The following EFEMP1 variants were observed in gnomAD, a reference collection of about 807,000 sequenced individuals.
EFEMP1 encodes EGF-containing fibulin-like extracellular matrix protein 1.
EFEMP1 carries 18 observed loss-of-function variants against 65.7 expected under a neutral mutation model. The observed-to-expected ratio is 0.27, with a 90% CI of 0.19 to 0.41. EFEMP1 has a LOEUF of 0.41. EFEMP1 is among the 10% of genes least tolerant of loss of function. EFEMP1 has a pLI of 1.00. For missense variants in EFEMP1, 469 were observed against 624.8 expected (o/e 0.75, Z 2.66); for synonymous variants, 237 against 219.7 (o/e 1.08, Z -0.70).
At chr2:55,918,164 C>G (rs377415219) in intron 4 of EFEMP1, 55 bp downstream of exon 4, 1 of 1,613,014 alleles carries the variant, frequency 6.2e-7, no homozygotes, top group Non-Finnish European at 8.5e-7. Flanking sequence ...AAGAGTGACA[C>G]AAGAGATGGA....
At chr2:55,914,032 A>G (rs139551075) in intron 5 of EFEMP1, among the ~76,000 whole-genome samples, 1 of 152,294 alleles carries the variant, frequency 6.6e-6, no homozygotes, top group East Asian at 1.9e-4. Context: ...GAAAGAGACT[A>G]TGCAATAAAG....
At chr2:55,893,830 T>A (rs1252373186) in intron 5 of EFEMP1, among the ~76,000 whole-genome samples, 1 of 152,212 alleles carries the variant, frequency 6.6e-6, no homozygotes, top group African/African-American at 2.4e-5. Flanking sequence ...TGTTGCTTAG[T>A]GTCATGTTTT....
chr2:55,891,224 G>A (rs1378673643), intron 5 of EFEMP1, among the ~76,000 whole-genome samples: 1 of 152,086 alleles, frequency 6.6e-6, no homozygotes, highest in African/African-American at 2.4e-5. Flanking sequence ...TTGTTTTGAT[G>A]TATTAGGAGA....
Position 55,916,347 on chromosome 2 carries a change from T to C in EFEMP1, c.517+1318A>G, listed in dbSNP as rs141296043. Among the ~76,000 whole-genome samples the C allele has an allele frequency of 4.4e-3, 663 of 152,300 alleles. 4 individuals carry two copies. The highest frequency in any genetic ancestry group is 0.015 in the African/African-American group (612 of 41,582). On this transcript the variant is annotated intron_variant, in intron 5 of 11. Transcript: ENST00000355426. ...CTGGTCTTGAACTCCCGACCTCAGG[T>C]GATCCACCCGCCTCATCTTCCCAAA...
intron 5 of EFEMP1, among the ~76,000 whole-genome samples, chr2:55,895,562 G>A (rs898983184): frequency 4.7e-5 from 3 of 64,062 alleles, no homozygotes; most frequent in Admixed American, 1.6e-4. Flanking sequence ...TTTTTTTTTT[G>A]AGACGGAGTC....
intron 5 of EFEMP1, among the ~76,000 whole-genome samples, chr2:55,910,396 G>A (rs1449329640): frequency 6.6e-6 from 1 of 152,196 alleles, no homozygotes; most frequent in African/African-American, 2.4e-5. Context: ...CAGATGCGGT[G>A]TGAATTACTT....
intron 3 of EFEMP1, among the ~76,000 whole-genome samples, chr2:55,918,700 T>A (rs1347034066): frequency 8.0e-6 from 1 of 124,750 alleles, no homozygotes. Flanking sequence ...TCTCTCTCTC[T>A]CTAAATCCTC....
intron 6 of EFEMP1, among the ~76,000 whole-genome samples, chr2:55,879,427 T>G (rs995614017): frequency 2.0e-5 from 3 of 152,222 alleles, no homozygotes; most frequent in African/African-American, 7.2e-5. Context: ...ATTTGTAAAA[T>G]TTGTTTACTA....
intron 5 of EFEMP1, among the ~76,000 whole-genome samples, chr2:55,899,593 T>G (rs1427181288): frequency 1.3e-5 from 2 of 152,202 alleles, no homozygotes; most frequent in African/African-American, 4.8e-5. Flanking sequence ...TTAATGCGTA[T>G]GGGGCAAAAA....
At chr2:55,903,339 A>G (rs1670116451) in intron 5 of EFEMP1, among the ~76,000 whole-genome samples, 1 of 152,238 alleles carries the variant, frequency 6.6e-6, no homozygotes, top group Non-Finnish European at 1.5e-5. Flanking sequence ...AAAAGTAACC[A>G]CATGCAAATT....
At chr2:55,913,252 G>A (rs1346003406) in intron 5 of EFEMP1, among the ~76,000 whole-genome samples, 1 of 152,180 alleles carries the variant, frequency 6.6e-6, no homozygotes, top group East Asian at 1.9e-4. Context: ...GGAACATGGA[G>A]CTTTTGGTTT....
chr2:55,879,005 T>C (rs1669139017), intron 6 of EFEMP1, among the ~76,000 whole-genome samples: 2 of 152,226 alleles, frequency 1.3e-5, no homozygotes, highest in African/African-American at 4.8e-5. Flanking sequence ...AGGTGTCCAT[T>C]CAAATGTCAC....
intron 5 of EFEMP1, among the ~76,000 whole-genome samples, chr2:55,906,389 A>G (rs1380574122): frequency 1.3e-5 from 2 of 151,990 alleles, no homozygotes; most frequent in African/African-American, 2.4e-5. Flanking sequence ...ACGCCCAGCT[A>G]ATTTTTGTAT....
At position 55,877,468 on chromosome 2, in the gene EFEMP1, C is replaced by CTGCT. The variant is rs1396378551; in HGVS notation, c.760+274_760+277dup. 6.6e-6 allele frequency among the ~76,000 whole-genome samples: 1 copy of CTGCT among 152,172 alleles called. No individual in the cohort carries two copies. The highest frequency in any genetic ancestry group is 2.4e-5 in the African/African-American group (1 of 41,438). ...GGCACTTTCAGCATTATATCACACA[C>CTGCT]TGCTGATTGACTGGTGTATGTATAT... is the stretch of plus-strand genomic sequence containing the variant. On this transcript the variant is annotated intron_variant, in intron 7 of 11. Transcript: ENST00000355426. The surrounding 1 kb of genome is among the most constrained non-coding windows in gnomAD (Gnocchi z 4.5).
At chr2:55,915,052 G>A (rs1670624339) in intron 5 of EFEMP1, among the ~76,000 whole-genome samples, 1 of 152,198 alleles carries the variant, frequency 6.6e-6, no homozygotes, top group Non-Finnish European at 1.5e-5. Context: ...AAATTCCCTA[G>A]ACAGATTATC....
chr2:55,867,263 G>T lies in EFEMP1; in HGVS notation c.1321-29C>A. 6.2e-7 allele frequency: 1 copy of T among 1,609,842 alleles called. No individual in the cohort carries two copies. Among genetic ancestry groups the T allele is most frequent in the South Asian group, 1.1e-5 (1 of 90,710 alleles). On this transcript the variant is annotated intron_variant, in intron 11 of 11. Coordinates refer to ENST00000355426, the MANE Select transcript of EFEMP1 (RefSeq NM_001039348.3). This position sits in a 1 kb window ranked among gnomAD's most constrained non-coding sequence, Gnocchi z 4.3. ...AAATAAAAGAAAATAGAGAAAGGAA[G>T]AGAATAATTTTCTTGGATTGGAGTT...
rs1669439555 is a variant in EFEMP1, at chr2:55,886,875, A to C, written c.518-5141T>G. Among the ~76,000 whole-genome samples, 1 of 152,186 alleles carries C rather than the reference A, an allele frequency of 6.6e-6. No individual in the cohort carries two copies. Among genetic ancestry groups the C allele is most frequent in the Non-Finnish European group, 1.5e-5 (1 of 68,026 alleles). ...AAGTTTACTACTGTTTTACTCATCC[A>C]GTATTTGCTATTGATAATGATAACC... On this transcript the variant is annotated intron_variant, in intron 5 of 11. Transcript: ENST00000355426. This position sits in a 1 kb window ranked among gnomAD's most constrained non-coding sequence, Gnocchi z 4.0.
chr2:55,899,991 A>G (rs1449099872), intron 5 of EFEMP1, among the ~76,000 whole-genome samples: 3 of 152,112 alleles, frequency 2.0e-5, no homozygotes, highest in South Asian at 4.1e-4. Context: ...AGAAACCTAC[A>G]TGGCCACTTC....
intron 5 of EFEMP1, among the ~76,000 whole-genome samples, chr2:55,900,632 A>G (rs889229909): frequency 6.7e-6 from 1 of 150,284 alleles, no homozygotes; most frequent in South Asian, 2.1e-4. Context: ...GATTTTAGTT[A>G]TACTTTCTAA....
Sources: gnomAD v4.1 joint callset for allele counts (sites outside exome capture counted in the v4.1 genomes callset) on GRCh38, gnomAD v4.1.1 for gene constraint, Gnocchi (gnomAD v3.1) non-coding constraint, MANE v1.5 for transcripts, NCBI Gene and HGNC (gene_info 2026-07-23, HGNC 2026-07-21) for gene names.